The following CTNND1 variants were observed in gnomAD, a reference collection of about 807,000 sequenced individuals.
CTNND1 encodes the protein catenin delta-1.
A neutral mutation model predicts 112.1 loss-of-function variants in CTNND1; 16 were observed. The ratio of observed to expected loss-of-function variants is 0.14; its 90% CI spans 0.10 to 0.22. The LOEUF (loss-of-function observed/expected upper bound fraction) is 0.22. CTNND1 is among the 10% of genes least tolerant of loss of function. CTNND1 has a pLI of 1.00. For missense variants in CTNND1, 1,008 were observed against 1,257.0 expected, an observed-to-expected ratio of 0.80 and a Z score of 3.00; for synonymous variants, 420 against 446.5, an observed-to-expected ratio of 0.94 and a Z score of 0.75.
intron 1 of CTNND1, among the ~76,000 whole-genome samples, chr11:57,776,765 T>C (rs1954323600): frequency 6.6e-6 from 1 of 152,234 alleles, no homozygotes; most frequent in Non-Finnish European, 1.5e-5. Flanking sequence ...AGGATTACTG[T>C]ATTTCTGAGT....
Position 57,818,965 on chromosome 11 carries a change from G to GGAC in CTNND1, c.*2657_*2658insGAC, listed in dbSNP as rs1205989277. The GGAC allele has an allele frequency of 6.6e-6, 1 of 152,180 alleles. No homozygotes were observed. Among genetic ancestry groups the GGAC allele is most frequent in the Non-Finnish European group, 1.5e-5 (1 of 68,040 alleles). The allele number at this position is 152,180 out of a possible 1,614,324, so 9.4% of individuals were successfully genotyped here. ...GCTATATGCAGTCCTTTAGTCAGAA[G>GGAC]TCAATAGGCCTATTTATTAATATTT... On this transcript the variant is annotated 3_prime_UTR_variant, in exon 21 of 21. Transcript: ENST00000399050.
At chr11:57,804,610 T>C in intron 8 of CTNND1, 53 bp from the exon 9 acceptor site, 1 of 1,379,526 alleles carries the variant, frequency 7.2e-7, no homozygotes, top group Non-Finnish European at 1.0e-6. Flanking sequence ...GAGGGATATT[T>C]AAGGGAGGAT....
At chr11:57,800,522 C>T (rs1191264155) in intron 6 of CTNND1, among the ~76,000 whole-genome samples, 1 of 152,170 alleles carries the variant, frequency 6.6e-6, no homozygotes, top group Non-Finnish European at 1.5e-5. Context: ...CCCACTGCAG[C>T]CTCCCAAAGT....
In CTNND1 at chr11:57,761,926, C is replaced by T. The variant is rs1949950936; in HGVS notation, c.-407C>T. On this transcript the variant is annotated 5_prime_UTR_variant, in exon 1 of 21. Transcript: ENST00000399050. ...AGAGAGAAAGAAGAGCAGGAAAGAT[C>T]CCGAAAGGAGGAAGAGGTGGCGAAA... is the stretch of plus-strand genomic sequence containing the variant. The T allele has an allele frequency of 1.0e-6, 1 of 985,344 alleles. No individual in the cohort carries two copies. The highest frequency in any genetic ancestry group is 1.2e-6 in the Non-Finnish European group (1 of 829,944). The allele number at this position is 985,344 out of a possible 1,614,324, so 61.0% of individuals were successfully genotyped here.
At chr11:57,814,892 C>T (rs1436623168) in intron 18 of CTNND1, among the ~76,000 whole-genome samples, 1 of 152,100 alleles carries the variant, frequency 6.6e-6, no homozygotes, top group Non-Finnish European at 1.5e-5. Flanking sequence ...ATTCCCATAA[C>T]CTTTTCAGAC....
intron 6 of CTNND1, among the ~76,000 whole-genome samples, chr11:57,797,491 A>G (rs1482295230): frequency 1.4e-5 from 2 of 144,676 alleles, no homozygotes; most frequent in Admixed American, 6.9e-5. Context: ...TTGGCCTCCA[A>G]AAGTGCTGGG....
chr11:57,800,342 A>G (rs2061870485), intron 6 of CTNND1, among the ~76,000 whole-genome samples: 1 of 150,718 alleles, frequency 6.6e-6, no homozygotes, highest in Non-Finnish European at 1.5e-5. Context: ...ATCTCAGTTC[A>G]CTGCAACCTC....
Position 57,814,311 on chromosome 11 carries a change from A to G in CTNND1, c.2639A>G (p.Asp880Gly), listed in dbSNP as rs749976051. Residue 880 changes from aspartate to glycine, a missense_variant and splice_region_variant, in exon 18 of 21, where the codon GAT becomes GGT. Asp to Gly is a moderately conservative substitution (Grantham distance 94, BLOSUM62 -1). Transcript: ENST00000399050. ...LPLIDRNQKS[D>G]KKPDREEIQM... ...TGGATAACTTTCTGACTTCATACAG[A>G]TAAGAAACCTGATCGGGAAGAAATT... The G allele has an allele frequency of 3.7e-6, 6 of 1,610,362 alleles. No individual in the cohort carries two copies. The highest frequency in any genetic ancestry group is 4.5e-5 in the East Asian group (2 of 44,848).
Position 57,815,511 on chromosome 11 carries a change from T to TTTATATAC in CTNND1, c.2808+13_2808+20dup. 1 of 1,570,704 alleles carries TTTATATAC rather than the reference T, an allele frequency of 6.4e-7. No homozygotes were observed. The highest frequency in any genetic ancestry group is 1.1e-5 in the South Asian group (1 of 89,874). ...ACAACACCCTTGATGGTAAATTCTC[T>TTTATATAC]TTATATACTGCTATCTGTCTAAGGC... On this transcript the variant is annotated intron_variant, in intron 19 of 20. Coordinates refer to ENST00000399050, the MANE Select transcript of CTNND1 (RefSeq NM_001085458.2).
chr11:57,763,565 G>A (rs530094), intron 1 of CTNND1, among the ~76,000 whole-genome samples: 43,025 of 152,020 alleles, frequency 0.28, 7,128 homozygotes, highest in East Asian at 0.79. Context: ...AAGGCTGCAG[G>A]AAATTTTTGA....
chr11:57,812,022 T>C (rs1591678790), intron 17 of CTNND1, among the ~76,000 whole-genome samples: 2 of 152,350 alleles, frequency 1.3e-5, no homozygotes, highest in East Asian at 3.9e-4. Context: ...CACTTGGCTT[T>C]TTCCTTGATT....
At chr11:57,781,531 C>T (rs2059583185) in intron 1 of CTNND1, 3 of 152,208 alleles carry the variant, frequency 2.0e-5, no homozygotes, top group Admixed American at 6.5e-5. Context: ...ACACCTTCCT[C>T]TGTTTTTTTG....
chr11:57,792,525 C>T (rs1357912025), intron 3 of CTNND1, among the ~76,000 whole-genome samples: 1 of 152,180 alleles, frequency 6.6e-6, no homozygotes. Context: ...CAGAACAGTA[C>T]TCATGCCCTG....
At chr11:57,809,045 A>G (rs1162598329) in intron 14 of CTNND1, among the ~76,000 whole-genome samples, 1 of 152,226 alleles carries the variant, frequency 6.6e-6, no homozygotes, top group East Asian at 1.9e-4. Context: ...TACAGTATTT[A>G]CACTTTCAAT....
chr11:57,806,222 A>T (rs1322953269), intron 10 of CTNND1, among the ~76,000 whole-genome samples, 187 bp downstream of exon 10: 1 of 90,034 alleles, frequency 1.1e-5, no homozygotes, highest in Non-Finnish European at 2.3e-5. Context: ...GGTGGTTGTG[A>T]TGTGTTGGTG....
intron 1 of CTNND1, among the ~76,000 whole-genome samples, chr11:57,782,414 C>T (rs1370712897): frequency 6.6e-6 from 1 of 152,108 alleles, no homozygotes; most frequent in Non-Finnish European, 1.5e-5. Flanking sequence ...TTTAATTGAA[C>T]AAAGAACAGT....
rs188683827 is a variant in CTNND1 at position 57,803,686 on chromosome 11, G to T, written c.1486G>T (p.Ala496Ser). 8.7e-6 allele frequency: 14 copies of T among 1,613,728 alleles called. No homozygotes were observed. Among genetic ancestry groups the T allele is most frequent in the Admixed American group, 6.7e-5 (4 of 60,010 alleles). ...KMEIVDHALHALTDEVIIPHS... is the reference protein window; with the variant it reads ...KMEIVDHALHSLTDEVIIPHS... ...GGAGATTGTGGACCATGCACTGCAT[G>T]CCTTGACAGATGAAGTGATCATTCC... The change falls in exon 8 of 21, where the codon GCC becomes TCC. Residue 496 changes from alanine (A) to serine (S), a missense_variant. Ala to Ser is a moderately conservative substitution (Grantham distance 99, BLOSUM62 1). Around this residue, in one of 5 missense-constraint regions of CTNND1, gnomAD observed 216 missense variants for 342.8 expected, o/e 0.63. Transcript: ENST00000399050.
At chr11:57,811,374 T>G in intron 16 of CTNND1, 25 bp from the exon 17 acceptor site, 5 of 1,572,402 alleles carry the variant, frequency 3.2e-6, no homozygotes, top group Non-Finnish European at 4.4e-6. Context: ...TTCTGTCACA[T>G]TGTCGCATTT....
In CTNND1 at chr11:57,791,653, A is replaced by G; in HGVS notation, c.175A>G (p.Thr59Ala). Residue 59 changes from threonine to alanine, a missense_variant, in exon 3 of 21, where the codon ACA becomes GCA. Coordinates refer to ENST00000399050, the MANE Select transcript of CTNND1 (RefSeq NM_001085458.2). ...TGCCAACCCACTCATGGCCAACGGC[A>G]CACTCACCCGCCGGCATCAGGTAAC... ...QDANPLMANGTLTRRHQNGRF... is the reference protein window; with the variant it reads ...QDANPLMANGALTRRHQNGRF... 4.4e-6 allele frequency: 7 copies of G among 1,578,980 alleles called. No individual in the cohort carries two copies. Among genetic ancestry groups the G allele is most frequent in the Non-Finnish European group, 6.0e-6 (7 of 1,158,708 alleles).
Sources: allele counts gnomAD v4.1 joint callset (sites outside exome capture counted in the v4.1 genomes callset), GRCh38; gene constraint gnomAD v4.1.1; regional missense constraint gnomAD v4.1.1; transcripts MANE v1.5; gene names NCBI Gene and HGNC (gene_info 2026-07-23, HGNC 2026-07-21).